Variants in CLVS1 observed in about 807,000 individuals in gnomAD.
The protein encoded by CLVS1 is clavesin-1.
In CLVS1, 10 loss-of-function variants were observed where a neutral mutation model predicts 33.1. The observed-to-expected ratio is 0.30, with a 90% CI of 0.19 to 0.51. The LOEUF is 0.51. CLVS1 is among the 20% of genes least tolerant of loss of function. CLVS1 has a pLI of 0.97. For missense variants in CLVS1, 343 were observed against 433.4 expected, an observed-to-expected ratio of 0.79 and a Z score of 1.85; for synonymous variants, 163 against 166.1, an observed-to-expected ratio of 0.98 and a Z score of 0.14.
intron 2 of CLVS1, among the ~76,000 whole-genome samples, chr8:61,198,010 A>G (rs868103909): frequency 3.3e-5 from 5 of 152,176 alleles, no homozygotes; most frequent in South Asian, 4.1e-4. Context: ...GCCTCTTTCC[A>G]TGATATGAAG....
At chr8:61,377,482 T>A (rs10098885) in intron 3 of CLVS1, 86,645 of 152,188 alleles carry the variant, frequency 0.57, 29,013 homozygotes, top group Non-Finnish European at 0.73. Context: ...TTTGAATCAG[T>A]ATAGATAAAA....
At chr8:61,454,000 G>C in intron 3 of CLVS1, 141 bp from the exon 4 acceptor site, 1 of 695,318 alleles carries the variant, frequency 1.4e-6, no homozygotes, top group Non-Finnish European at 2.6e-6. Flanking sequence ...AAGTGAGTGT[G>C]TTTTCTTCCT....
chr8:61,064,803 A>G (rs904320256), intron 1 of CLVS1, among the ~76,000 whole-genome samples: 1 of 151,642 alleles, frequency 6.6e-6, no homozygotes, highest in Non-Finnish European at 1.5e-5. Context: ...CCGGGTTCAC[A>G]CCATTCTCTT....
intron 1 of CLVS1, among the ~76,000 whole-genome samples, chr8:61,078,884 T>A (rs1189684463): frequency 6.6e-6 from 1 of 152,214 alleles, no homozygotes; most frequent in African/African-American, 2.4e-5. Flanking sequence ...AACTATTACC[T>A]TATTATATAA....
chr8:61,390,113 C>T (rs1225571660), intron 3 of CLVS1, among the ~76,000 whole-genome samples: 1 of 152,146 alleles, frequency 6.6e-6, no homozygotes, highest in Non-Finnish European at 1.5e-5. Context: ...TACACATGCT[C>T]ACTGTAAAAA....
intron 5 of CLVS1, among the ~76,000 whole-genome samples, chr8:61,458,911 A>G (rs1563562485): frequency 6.6e-6 from 1 of 152,244 alleles, no homozygotes; most frequent in East Asian, 1.9e-4. Flanking sequence ...ATTTGGAACC[A>G]TTTATTGAGA....
At chr8:61,359,085 T>A (rs1162351407) in intron 2 of CLVS1, among the ~76,000 whole-genome samples, 1 of 152,204 alleles carries the variant, frequency 6.6e-6, no homozygotes, top group African/African-American at 2.4e-5. Flanking sequence ...TGGTTCTAAA[T>A]TTTGCCTTGA....
chr8:60,985,802 GAA>G, the CLVS1 span, among the ~76,000 whole-genome samples: 15 of 107,736 alleles, frequency 1.4e-4, no homozygotes, highest in Non-Finnish European at 1.3e-4. Context: ...GGGCTGCTGT[GAA>G]AAAAAAAAAA....
Position 61,490,747 on chromosome 8 carries a change from T to C in CLVS1, c.978-8708T>C, listed in dbSNP as rs1355019024. On this transcript the variant is annotated intron_variant, in intron 5 of 5. Transcript: ENST00000325897. The stretch of plus-strand genomic sequence containing the variant: ...GCTGAGGTGGGTGGATCACTTGAGG[T>C]CAGGAGTTCAGGACCAGCCTGGCCA... 2.0e-5 allele frequency among the ~76,000 whole-genome samples: 3 copies of C among 150,580 alleles called. No individual in the cohort carries two copies. In the East Asian group the frequency reaches 5.9e-4, roughly 29 times the overall value.
intron 2 of CLVS1, among the ~76,000 whole-genome samples, chr8:61,374,349 T>A (rs534632932): frequency 1.3e-5 from 2 of 152,346 alleles, no homozygotes; most frequent in South Asian, 4.1e-4. Flanking sequence ...TACCTTAGGC[T>A]TAACCTTTCC....
intron 2 of CLVS1, among the ~76,000 whole-genome samples, chr8:61,250,352 G>T (rs1808910964): frequency 6.6e-6 from 1 of 152,180 alleles, no homozygotes; most frequent in African/African-American, 2.4e-5. Flanking sequence ...CAGGTAGCAT[G>T]ATGCCTTCAG....
intron 5 of CLVS1, among the ~76,000 whole-genome samples, chr8:61,472,716 A>G (rs747577800): frequency 6.6e-6 from 1 of 152,168 alleles, no homozygotes; most frequent in African/African-American, 2.4e-5. Flanking sequence ...CACAAGTAGG[A>G]TAGAGGGCAA....
intron 3 of CLVS1, among the ~76,000 whole-genome samples, chr8:61,398,119 C>T (rs1053729540): frequency 2.0e-5 from 3 of 151,152 alleles, no homozygotes; most frequent in Non-Finnish European, 4.4e-5. Context: ...TAAGTCTTTC[C>T]ATTTATTTAG....
At chr8:61,048,069 A>C in the CLVS1 span, among the ~76,000 whole-genome samples, 1 of 152,186 alleles carries the variant, frequency 6.6e-6, no homozygotes, top group Non-Finnish European at 1.5e-5. Context: ...ACACAGGAAA[A>C]GGGAGGCGCA....
intron 5 of CLVS1, among the ~76,000 whole-genome samples, chr8:61,491,714 C>G (rs1804094659): frequency 6.6e-6 from 1 of 152,090 alleles, no homozygotes; most frequent in Non-Finnish European, 1.5e-5. Context: ...ATCAAAAAAG[C>G]AGGAGAAATA....
intron 3 of CLVS1, among the ~76,000 whole-genome samples, chr8:61,427,405 T>C (rs1815935002): frequency 6.6e-6 from 1 of 152,288 alleles, no homozygotes; most frequent in Middle Eastern, 3.4e-3. Context: ...AAAATAAGCC[T>C]GGACCCAACC....
chr8:60,976,186 A>G, the CLVS1 span, among the ~76,000 whole-genome samples: 8 of 152,130 alleles, frequency 5.3e-5, no homozygotes, highest in Admixed American at 1.3e-4. Flanking sequence ...ATTTTTAAAG[A>G]ATATCTGTGA....
At chr8:61,203,493 G>C (rs541277473) in intron 2 of CLVS1, among the ~76,000 whole-genome samples, 1 of 151,844 alleles carries the variant, frequency 6.6e-6, no homozygotes, top group Non-Finnish European at 1.5e-5. Context: ...CATGGAAATC[G>C]TGGGGAGACA....
chr8:61,180,657 C>T (rs1415279030), intron 2 of CLVS1, among the ~76,000 whole-genome samples: 1 of 152,222 alleles, frequency 6.6e-6, no homozygotes, highest in East Asian at 1.9e-4. Context: ...AAGATGGTTT[C>T]ATCCCTGTGA....
Sources: gnomAD v4.1 joint callset for allele counts (sites outside exome capture counted in the v4.1 genomes callset) on GRCh38, gnomAD v4.1.1 for gene constraint, MANE v1.5 for transcripts, NCBI Gene and HGNC (gene_info 2026-07-23, HGNC 2026-07-21) for gene names.